Variants in ATR observed in about 807,000 individuals in gnomAD.
The protein encoded by ATR is ATR checkpoint kinase.
ATR carries 142 observed loss-of-function variants against 305.3 expected under a neutral mutation model. The observed-to-expected ratio is 0.47, with a 90% CI of 0.41 to 0.53. ATR has a LOEUF of 0.53. Ranked by LOEUF, ATR falls within the 20% of genes least tolerant of loss-of-function variation. The pLI, the probability that ATR is intolerant of heterozygous loss-of-function variation, is 0.00. For synonymous variants in ATR, 1,050 were observed against 1,068.1 expected (o/e 0.98, Z 0.33); for missense variants, 2,135 against 3,133.1 (o/e 0.68, Z 7.60).
At chr3:142,502,045 C>A (rs573958608) in intron 30 of ATR, among the ~76,000 whole-genome samples, 87 of 152,194 alleles carry the variant, frequency 5.7e-4, no homozygotes, top group Middle Eastern at 3.4e-3. Flanking sequence ...CCACACCCAG[C>A]CCAGAATGGC....
At chr3:142,550,539 A>G (rs963631139) in intron 13 of ATR, among the ~76,000 whole-genome samples, 5 of 152,198 alleles carry the variant, frequency 3.3e-5, no homozygotes, top group Non-Finnish European at 5.9e-5. Context: ...TACCACAAAT[A>G]AATTCAGTAT....
At chr3:142,567,120 T>C (rs901477353) in intron 2 of ATR, among the ~76,000 whole-genome samples, 2 of 152,046 alleles carry the variant, frequency 1.3e-5, no homozygotes, top group Admixed American at 6.5e-5. Flanking sequence ...TTATCAAACA[T>C]GTACTTCAGG....
At position 142,575,468 on chromosome 3, in the gene ATR, C is replaced by CA. The variant is rs72100236; in HGVS notation, c.59+3177dup. Reference sequence around the variant, plus strand: ...CACTGGAGAGGGCGAGACTCCGTCTCAAAAAAAAAAAAAAAAAAGCAGGCT... The same window carrying CA: ...CACTGGAGAGGGCGAGACTCCGTCTCAAAAAAAAAAAAAAAAAAAGCAGGCT... On this transcript the variant is annotated intron_variant, in intron 1 of 46. Transcript: ENST00000350721. Among the ~76,000 whole-genome samples the CA allele has an allele frequency of 1.4e-3, 169 of 121,988 alleles. No homozygotes were observed. The South Asian group carries it at 0.016, about 11-fold the overall frequency. 80.0% of individuals were successfully genotyped at this position (121,988 alleles called of 152,430 possible). A position where few individuals can be genotyped will look rare whatever the true frequency, so the allele number is the denominator to read the frequency against.
intron 34 of ATR, among the ~76,000 whole-genome samples, chr3:142,495,588 C>G (rs2031537210): frequency 6.6e-6 from 1 of 151,692 alleles, no homozygotes; most frequent in Admixed American, 6.6e-5. Flanking sequence ...ACTAAAAATA[C>G]AAAAAATTAG....
chr3:142,576,734 G>A (rs1287899619), intron 1 of ATR, among the ~76,000 whole-genome samples: 1 of 152,150 alleles, frequency 6.6e-6, no homozygotes, highest in Non-Finnish European at 1.5e-5. Flanking sequence ...ACATGATTTG[G>A]AGAAACATAT....
chr3:142,475,372 T>A (rs1281624998), intron 36 of ATR, among the ~76,000 whole-genome samples: 1 of 152,194 alleles, frequency 6.6e-6, no homozygotes, highest in Non-Finnish European at 1.5e-5. Flanking sequence ...CCTTCGATAG[T>A]TTGCTGAGAA....
At chr3:142,541,407 AT>A (rs2034048738) in intron 17 of ATR, among the ~76,000 whole-genome samples, 1 of 152,202 alleles carries the variant, frequency 6.6e-6, no homozygotes, top group Non-Finnish European at 1.5e-5. Flanking sequence ...AATTAAAATC[AT>A]TTAAATTTGA....
intron 4 of ATR, 30 bp from the exon 5 acceptor site, chr3:142,561,451 T>A: frequency 6.4e-7 from 1 of 1,571,938 alleles, no homozygotes; most frequent in Non-Finnish European, 8.7e-7. Flanking sequence ...TTTCCAGAAA[T>A]ATTCCTTAGA....
intron 1 of ATR, among the ~76,000 whole-genome samples, chr3:142,571,439 C>T (rs1455299635): frequency 6.6e-6 from 1 of 151,136 alleles, no homozygotes; most frequent in African/African-American, 2.4e-5. Flanking sequence ...GTACTCCAGC[C>T]TGGGCGACAG....
chr3:142,451,409 T>C, intron 46 of ATR: 1 of 1,476,208 alleles, frequency 6.8e-7, no homozygotes, highest in Non-Finnish European at 9.1e-7. Flanking sequence ...ATCTGAAGCC[T>C]AGAAATATTT....
chr3:142,525,638 C>G (rs187952681), intron 21 of ATR, among the ~76,000 whole-genome samples: 124 of 152,226 alleles, frequency 8.1e-4, no homozygotes, highest in South Asian at 1.7e-3. Context: ...ATGGGTGGAT[C>G]CCTCATGAAT....
At chr3:142,457,547 G>A (rs2108257265) in intron 45 of ATR, 57 bp downstream of exon 45, 2 of 1,603,150 alleles carry the variant, frequency 1.2e-6, no homozygotes, top group Non-Finnish European at 1.7e-6. Flanking sequence ...CATATGTAGG[G>A]GCCAATAATT....
intron 16 of ATR, among the ~76,000 whole-genome samples, chr3:142,546,423 T>C (rs1215319728): frequency 6.6e-6 from 1 of 152,216 alleles, no homozygotes; most frequent in Non-Finnish European, 1.5e-5. Context: ...TCTGTGTAAA[T>C]GTTTGTGTGT....
At chr3:142,463,876 A>C (rs970331236) in intron 41 of ATR, among the ~76,000 whole-genome samples, 12 of 151,836 alleles carry the variant, frequency 7.9e-5, no homozygotes, top group Admixed American at 6.5e-4. Flanking sequence ...GTGGGAAGGC[A>C]ATGAGAAGAA....
chr3:142,563,934 C>G (rs569012376), intron 3 of ATR, among the ~76,000 whole-genome samples: 4 of 152,160 alleles, frequency 2.6e-5, no homozygotes, highest in African/African-American at 9.6e-5. Flanking sequence ...AATAGAAGAT[C>G]AAATCGTTAA....
At chr3:142,559,192 A>T in intron 7 of ATR, 59 bp downstream of exon 7, 1 of 1,555,740 alleles carries the variant, frequency 6.4e-7, no homozygotes, top group Non-Finnish European at 8.8e-7. Flanking sequence ...AAAAGAAAGC[A>T]TATTTCTATA....
chr3:142,528,872 TATA>T (rs2033513754), intron 21 of ATR, among the ~76,000 whole-genome samples: 1 of 70,822 alleles, frequency 1.4e-5, no homozygotes. Context: ...TATATATATA[TATA>T]TATATTTTTT....
At chr3:142,574,702 AC>A in intron 1 of ATR, among the ~76,000 whole-genome samples, 1 of 152,338 alleles carries the variant, frequency 6.6e-6, no homozygotes, top group Middle Eastern at 3.4e-3. Flanking sequence ...TAAAGGACAA[AC>A]AAGAGGTAAT....
At chr3:142,551,122 C>T (rs925944210) in intron 13 of ATR, among the ~76,000 whole-genome samples, 1 of 152,234 alleles carries the variant, frequency 6.6e-6, no homozygotes, top group South Asian at 2.1e-4. Context: ...ACAATGCTTT[C>T]TTTTTAAAAC....
Sources: gnomAD v4.1 joint callset for allele counts (sites outside exome capture counted in the v4.1 genomes callset) on GRCh38, gnomAD v4.1.1 for gene constraint, MANE v1.5 for transcripts, NCBI Gene and HGNC (gene_info 2026-07-23, HGNC 2026-07-21) for gene names.